RPS6KA4: variants seen among roughly 807,000 people sequenced by gnomAD.
The protein encoded by RPS6KA4 is ribosomal protein S6 kinase alpha-4.
Under a neutral mutation model 89.6 loss-of-function variants are expected in RPS6KA4, and 38 were observed. The ratio of observed to expected loss-of-function variants is 0.42; its 90% confidence interval spans 0.33 to 0.56. RPS6KA4 has a LOEUF of 0.56. Among genes scored for constraint, RPS6KA4 ranks in the 20% least tolerant of loss-of-function variants. The probability of loss-of-function intolerance (pLI) is 0.07; values close to 1 mark genes in which losing one functional copy is unlikely to be tolerated. For missense variants in RPS6KA4, 873 were observed against 1,098.8 expected (o/e 0.79, Z 2.90); for synonymous variants, 495 against 492.8 (o/e 1.00, Z -0.06).
rs2036669945 is a variant in RPS6KA4, at chr11:64,359,265, C to T, written c.30C>T (p.Cys10=). The part of the protein sequence containing the change: MGDEDDDES[C]AVELRITEAN... ...GGGACGAGGACGACGATGAGAGCTG[C>T]GCCGTGGAGCTGCGGATCACAGAAG... The change falls in exon 1 of 17, where the codon TGC becomes TGT. Residue 10 remains cysteine (C), a synonymous_variant. Coordinates refer to ENST00000334205, the MANE Select transcript of RPS6KA4 (RefSeq NM_003942.3). 5 of 1,540,080 alleles carry T rather than the reference C, an allele frequency of 3.2e-6. No homozygotes were observed. The highest frequency in any genetic ancestry group is 3.9e-5 in the Admixed American group (2 of 51,420).
Position 64,369,856 on chromosome 11 carries a change from A to T in RPS6KA4, c.1760A>T (p.Asp587Val). The T allele has an allele frequency of 6.4e-7, 1 of 1,570,586 alleles. No homozygotes were observed. Among genetic ancestry groups the T allele is most frequent in the South Asian group, 1.2e-5 (1 of 86,488 alleles). The change falls in exon 14 of 17, where the codon GAC (aspartate) becomes GTC (valine). Residue 587 changes from aspartate (D) to valine (V), a missense_variant. Around this residue, in one of 4 missense-constraint regions of RPS6KA4, gnomAD observed 278 missense variants for 284.8 expected, o/e 0.98. Transcript: ENST00000334205. Reference sequence around the variant, plus strand: ...GAGCTGCTGGCGCAGCAGGGCTACGACGAGTCCTGCGACCTCTGGAGCCTG... The same window carrying T: ...GAGCTGCTGGCGCAGCAGGGCTACGTCGAGTCCTGCGACCTCTGGAGCCTG... ...APELLAQQGY[D>V]ESCDLWSLGV...
chr11:64,360,447 C>T, intron 3 of RPS6KA4, 30 bp from the exon 4 acceptor site: 1 of 1,600,096 alleles, frequency 6.2e-7, no homozygotes. Context: ...CCTGACGGGG[C>T]TGCTTCCTGA....
intron 2 of RPS6KA4, among the ~76,000 whole-genome samples, 175 bp from the exon 3 acceptor site, chr11:64,359,988 G>T (rs2036698099): frequency 1.3e-5 from 2 of 151,612 alleles, no homozygotes; most frequent in African/African-American, 4.9e-5. Context: ...GCACCCTCCC[G>T]GGGTGTGCAC....
At position 64,370,536 on chromosome 11, in the gene RPS6KA4, C is replaced by T; in HGVS notation, c.1958-27C>T. 1 of 1,588,956 alleles carries T rather than the reference C, an allele frequency of 6.3e-7. No individual in the cohort carries two copies. Among genetic ancestry groups the T allele is most frequent in the African/African-American group, 1.3e-5 (1 of 74,752 alleles). ...GGCTCAGCCTTTACGCCAGGCTCCT[C>T]CCCACACTTCCTTGCCCCGCCTCCA... On this transcript the variant is annotated intron_variant, in intron 15 of 16. Coordinates refer to ENST00000334205, the MANE Select transcript of RPS6KA4 (RefSeq NM_003942.3). The surrounding 1 kb of genome is among the most constrained non-coding windows in gnomAD (Gnocchi z 4.1).
In RPS6KA4 at chr11:64,370,657, G is replaced by A. The variant is rs951905444; in HGVS notation, c.2052G>A (p.Pro684=). 1.5e-5 allele frequency: 24 copies of A among 1,571,194 alleles called. No individual in the cohort carries two copies. Among genetic ancestry groups the A allele is most frequent in the Middle Eastern group, 1.8e-4 (1 of 5,594 alleles). ...ACGGCAGCGCGCGCTCCTCGCCCCC[G>A]CTCCGGACGCCCGACGTGCTCGAGT... ...LQDGSARSSP[P]LRTPDVLESS... The change falls in exon 16 of 17, where the codon CCG becomes CCA. Residue 684 remains proline (P), a synonymous_variant. Transcript: ENST00000334205. The surrounding 1 kb of genome is among the most constrained non-coding windows in gnomAD (Gnocchi z 4.1).
intron 8 of RPS6KA4, among the ~76,000 whole-genome samples, chr11:64,362,918 G>T (rs2036793018): frequency 6.6e-6 from 1 of 152,138 alleles, no homozygotes; most frequent in Non-Finnish European, 1.5e-5. Flanking sequence ...TGATCCACCT[G>T]CCTCATCCTC....
In RPS6KA4 at chr11:64,370,759, G is replaced by A. The variant is rs1379109071; in HGVS notation, c.2121+33G>A. ...GCAGGGTCTGTTGAAGGGAAGGGGT[G>A]GGCGAAGCCTCGAGAGGTGGGGTCT... On this transcript the variant is annotated intron_variant, in intron 16 of 16. Coordinates refer to ENST00000334205, the MANE Select transcript of RPS6KA4 (RefSeq NM_003942.3). The surrounding 1 kb of genome is among the most constrained non-coding windows in gnomAD (Gnocchi z 4.1). 7 of 1,495,780 alleles carry A rather than the reference G, an allele frequency of 4.7e-6. No homozygotes were observed. Among genetic ancestry groups the A allele is most frequent in the Non-Finnish European group, 3.6e-6 (4 of 1,122,420 alleles). The allele number at this position is 1,495,780 out of a possible 1,614,324, so 92.7% of individuals were successfully genotyped here.
intron 11 of RPS6KA4, 31 bp from the exon 12 acceptor site, chr11:64,368,673 C>G (rs558821576): frequency 6.4e-7 from 1 of 1,573,290 alleles, no homozygotes; most frequent in Non-Finnish European, 8.6e-7. Flanking sequence ...CGAAGCGCGG[C>G]GACCGTAACT....
In RPS6KA4 at chr11:64,359,422, G is replaced by C; in HGVS notation, c.100G>C (p.Glu34Gln). 7 of 1,613,722 alleles carry C rather than the reference G, an allele frequency of 4.3e-6. No individual in the cohort carries two copies. Among genetic ancestry groups the C allele is most frequent in the Non-Finnish European group, 5.9e-6 (7 of 1,179,824 alleles). Reference protein sequence around the residue: ...HEEKVSVENFELLKVLGTGAY... With the variant: ...HEEKVSVENFQLLKVLGTGAY... The stretch of plus-strand genomic sequence containing the variant: ...GGAGAAGGTGAGCGTGGAGAACTTC[G>C]AGCTGCTCAAGGTGCTGGGCACGGG... Residue 34 changes from glutamate (E) to glutamine (Q), a missense_variant, in exon 2 of 17, where the codon GAG becomes CAG. Physicochemically the swap from Glu to Gln is conservative, Grantham distance 29. This residue lies in a region of RPS6KA4 where 49 missense variants were observed against 51.9 expected (regional missense o/e 0.94). Coordinates refer to ENST00000334205, the MANE Select transcript of RPS6KA4 (RefSeq NM_003942.3).
chr11:64,360,888 C>T, intron 4 of RPS6KA4: 1 of 568,618 alleles, frequency 1.8e-6, no homozygotes. Flanking sequence ...CTAAGGCCTC[C>T]TTGAAATGGA....
In RPS6KA4 at chr11:64,370,501, A is replaced by G; in HGVS notation, c.1958-62A>G. On this transcript the variant is annotated intron_variant, in intron 15 of 16. Transcript: ENST00000334205. This position sits in a 1 kb window ranked among gnomAD's most constrained non-coding sequence, Gnocchi z 4.1. Reference sequence around the variant, plus strand: ...AGGGGAGGAGAGTGGGGCTGTTACGATCTCTTTGGGGCTCAGCCTTTACGC... The same window carrying G: ...AGGGGAGGAGAGTGGGGCTGTTACGGTCTCTTTGGGGCTCAGCCTTTACGC... The G allele has an allele frequency of 6.3e-7, 1 of 1,595,874 alleles. No individual in the cohort carries two copies.
Position 64,361,346 on chromosome 11 carries a change from C to A in RPS6KA4, c.570+105C>A. 6.9e-7 allele frequency: 1 copy of A among 1,452,318 alleles called. No homozygotes were observed. Among genetic ancestry groups the A allele is most frequent in the Non-Finnish European group, 9.6e-7 (1 of 1,045,964 alleles). 90.0% of individuals were successfully genotyped at this position (1,452,318 alleles called of 1,614,324 possible). On this transcript the variant is annotated intron_variant, in intron 5 of 16. Transcript: ENST00000334205. The surrounding 1 kb of genome is among the most constrained non-coding windows in gnomAD (Gnocchi z 4.7). ...CTGGGGCTGCAGAAGTGAATAGCTC[C>A]AAGAAGTTTCCACAGCTCAGCTCTC...
In RPS6KA4 at chr11:64,370,666, GC is replaced by G; in HGVS notation, c.2064del (p.Asp689ThrfsTer31). Reference protein sequence around the residue: ...SARSSPPLRTPDVLESSGPAV... With the variant: ...SARSSPPLRTXDVLESSGPAV... ...CGCGCTCCTCGCCCCCGCTCCGGACGCCCGACGTGCTCGAGTCCTCTGGGCC... is the reference window on the plus strand; with the variant it reads ...CGCGCTCCTCGCCCCCGCTCCGGACGCCGACGTGCTCGAGTCCTCTGGGCC... On this transcript the variant is annotated frameshift_variant, in exon 16 of 17. Transcript: ENST00000334205. LOFTEE classifies it high-confidence loss of function. This position sits in a 1 kb window ranked among gnomAD's most constrained non-coding sequence, Gnocchi z 4.1. 6.4e-7 allele frequency: 1 copy of G among 1,571,064 alleles called. No individual in the cohort carries two copies. The highest frequency in any genetic ancestry group is 8.6e-7 in the Non-Finnish European group (1 of 1,164,856).
rs368374939 is a variant in RPS6KA4, at chr11:64,361,477, G to C, written c.579G>C (p.Arg193=). 1.1e-4 allele frequency: 178 copies of C among 1,614,096 alleles called. No individual in the cohort carries two copies. Among genetic ancestry groups the C allele is most frequent in the Non-Finnish European group, 1.5e-4 (172 of 1,180,002 alleles). The change falls in exon 6 of 17, where the codon CGG becomes CGC. Residue 193 remains arginine (R), a synonymous_variant. Coordinates refer to ENST00000334205, the MANE Select transcript of RPS6KA4 (RefSeq NM_003942.3). The surrounding 1 kb of genome is among the most constrained non-coding windows in gnomAD (Gnocchi z 4.7). ...SKEFLTEEKE[R]TFSFCGTIEY... ...ACCTCTTGCCCTCCCAGAAAGAGCG[G>C]ACCTTCTCCTTCTGTGGCACCATCG...
chr11:64,371,121 A>AG (rs2037059232), intron 16 of RPS6KA4, among the ~76,000 whole-genome samples, 162 bp from the exon 17 acceptor site: 1 of 125,786 alleles, frequency 8.0e-6, no homozygotes, highest in Admixed American at 8.4e-5. Flanking sequence ...AAAAAAAAAA[A>AG]AAAAAGGGAG....
chr11:64,370,130 C>A lies in RPS6KA4; in HGVS notation c.1798-95C>A. Reference sequence around the variant, plus strand: ...TCACCACGCGTGGGTCTCAGGAGTGCCCCTAGTGGGGAGGGTGAGTGGTTC... The same window carrying A: ...TCACCACGCGTGGGTCTCAGGAGTGACCCTAGTGGGGAGGGTGAGTGGTTC... On this transcript the variant is annotated intron_variant, in intron 14 of 16. Transcript: ENST00000334205. The surrounding 1 kb of genome is among the most constrained non-coding windows in gnomAD (Gnocchi z 4.1). The A allele has an allele frequency of 1.4e-6, 2 of 1,400,714 alleles. No homozygotes were observed. Among genetic ancestry groups the A allele is most frequent in the Non-Finnish European group, 9.6e-7 (1 of 1,046,002 alleles). The allele number at this position is 1,400,714 out of a possible 1,614,324, so 86.8% of individuals were successfully genotyped here. A position where few individuals can be genotyped will look rare whatever the true frequency, so the allele number is the denominator to read the frequency against.
chr11:64,366,277 TCTC>T (rs1273596931), intron 9 of RPS6KA4, among the ~76,000 whole-genome samples: 1 of 151,824 alleles, frequency 6.6e-6, no homozygotes, highest in Non-Finnish European at 1.5e-5. Context: ...TTCAAGCAAT[TCTC>T]CTGCCTTAGC....
At chr11:64,360,694 TG>T in intron 4 of RPS6KA4, 102 bp downstream of exon 4, 3 of 1,010,102 alleles carry the variant, frequency 3.0e-6, no homozygotes, top group Non-Finnish European at 1.5e-6. Flanking sequence ...CTGGGCTTCC[TG>T]GGGGGCCAGT....
chr11:64,368,344 C>T (rs1591317648), intron 10 of RPS6KA4, 84 bp downstream of exon 10: 21 of 1,553,820 alleles, frequency 1.4e-5, no homozygotes, highest in Non-Finnish European at 1.7e-5. Context: ...ATCCAACTGG[C>T]GCCCGCAGCG....
Sources: gnomAD v4.1 joint callset for allele counts (sites outside exome capture counted in the v4.1 genomes callset) on GRCh38, gnomAD v4.1.1 for gene constraint, gnomAD v4.1.1 regional missense constraint, Gnocchi (gnomAD v3.1) non-coding constraint, MANE v1.5 for transcripts, NCBI Gene and HGNC (gene_info 2026-07-23, HGNC 2026-07-21) for gene names.